SS18L2: variants seen among roughly 807,000 people sequenced by gnomAD.
SS18L2 encodes the protein SS18-like protein 2.
Under a neutral mutation model 10.3 loss-of-function variants are expected in SS18L2, and 8 were observed. That is an observed-to-expected ratio of 0.78 (90% CI 0.46 to 1.41). The LOEUF (loss-of-function observed/expected upper bound fraction) is 1.41, where lower values mean the gene tolerates loss of function less well. Ranked by LOEUF, SS18L2 falls within the 40% of genes most tolerant of loss-of-function variation. The probability of loss-of-function intolerance (pLI) is 0.00; values close to 1 mark genes in which losing one functional copy is unlikely to be tolerated. For synonymous variants in SS18L2, 41 were observed against 34.6 expected (o/e 1.19, Z -0.65); for missense variants, 100 against 96.2 (o/e 1.04, Z -0.17).
upstream of SS18L2, among the ~76,000 whole-genome samples, chr3:42,590,242 G>A (rs1459401995): frequency 6.6e-6 from 1 of 152,236 alleles, no homozygotes; most frequent in Non-Finnish European, 1.5e-5. Flanking sequence ...CATAGCCAAT[G>A]TTCATGCTCC....
At chr3:42,581,983 G>C (rs1287761500) in intron 1 of SS18L2, 1 of 152,450 alleles carries the variant, frequency 6.6e-6, no homozygotes, top group African/African-American at 2.4e-5. Context: ...GCGTGCGCGA[G>C]TCTTGAGCCA....
intron 1 of SS18L2, among the ~76,000 whole-genome samples, chr3:42,582,598 T>C (rs1474370463): frequency 6.6e-6 from 1 of 152,230 alleles, no homozygotes; most frequent in Non-Finnish European, 1.5e-5. Flanking sequence ...GAGGAATTCC[T>C]GACACGAAAA....
chr3:42,588,518 C>A (rs1051782176), upstream of SS18L2, among the ~76,000 whole-genome samples: 59 of 152,282 alleles, frequency 3.9e-4, no homozygotes, highest in African/African-American at 1.3e-3. Flanking sequence ...ATACTTAATA[C>A]CCAGGACAGA....
rs1704990960 is a variant in SS18L2, at chr3:42,595,121, G to T, written c.*612G>T. ...ATTATCATTGCCAACAAAATGAATA[G>T]TGATTTCTAATTATTATCTAATATC... On this transcript the variant is annotated 3_prime_UTR_variant, in exon 3 of 3. Coordinates refer to ENST00000011691, the MANE Select transcript of SS18L2 (RefSeq NM_001370300.1). 1 of 152,282 alleles carries T rather than the reference G, an allele frequency of 6.6e-6. No individual in the cohort carries two copies. The highest frequency in any genetic ancestry group is 1.5e-5 in the Non-Finnish European group (1 of 68,024). The allele number at this position is 152,282 out of a possible 1,614,324, so 9.4% of individuals were successfully genotyped here. A position where few individuals can be genotyped will look rare whatever the true frequency, so the allele number is the denominator to read the frequency against.
At chr3:42,592,165 C>T (rs1348432579) in intron 2 of SS18L2, among the ~76,000 whole-genome samples, 1 of 151,826 alleles carries the variant, frequency 6.6e-6, no homozygotes, top group Non-Finnish European at 1.5e-5. Context: ...GTCTCTTTTC[C>T]GAATCTAGTC....
upstream of SS18L2, among the ~76,000 whole-genome samples, chr3:42,588,647 T>C (rs1704704895): frequency 6.6e-6 from 1 of 152,186 alleles, no homozygotes; most frequent in Admixed American, 6.5e-5. Flanking sequence ...AACAAAAGTA[T>C]AGGCCGGGCA....
chr3:42,586,113 C>T (rs151220615), upstream of SS18L2, among the ~76,000 whole-genome samples: 71 of 152,306 alleles, frequency 4.7e-4, no homozygotes, highest in East Asian at 0.012. Flanking sequence ...GTGAACACTC[C>T]ATTGCTTCAC....
chr3:42,593,935 G>A (rs554766257), intron 2 of SS18L2, among the ~76,000 whole-genome samples: 6 of 152,282 alleles, frequency 3.9e-5, no homozygotes, highest in Admixed American at 6.5e-5. Context: ...CACAGAAGGA[G>A]GCCACTGTGG....
chr3:42,591,789 G>A (rs1014666071), intron 2 of SS18L2, among the ~76,000 whole-genome samples, 188 bp downstream of exon 2: 1 of 152,196 alleles, frequency 6.6e-6, no homozygotes, highest in African/African-American at 2.4e-5. Context: ...TGCGGAGCCT[G>A]GAGTCAGACG....
At chr3:42,585,767 GC>G (rs1266982644) in intron 1 of SS18L2, among the ~76,000 whole-genome samples, 16 of 152,278 alleles carry the variant, frequency 1.1e-4, no homozygotes, top group Admixed American at 9.8e-4. Context: ...GGCTCTAAGT[GC>G]TGCTGGACAA....
rs1174473663 is a variant in SS18L2 at position 42,590,949 on chromosome 3, C to G, written c.52C>G (p.Gln18Glu). The G allele has an allele frequency of 7.4e-7, 1 of 1,357,298 alleles. No homozygotes were observed. The highest frequency in any genetic ancestry group is 3.6e-5 in the East Asian group (1 of 28,146). 84.1% of individuals were successfully genotyped at this position (1,357,298 alleles called of 1,614,324 possible). The stretch of plus-strand genomic sequence containing the variant: ...GCTGAGGGGCAAGGCGGAAGTCAAT[C>G]AAGAGACTATCCAGCGGGTGAGCAT... ...DWLRGKAEVNQETIQRLLEEN... is the reference protein window; with the variant it reads ...DWLRGKAEVNEETIQRLLEEN... The change falls in exon 1 of 3, where the codon CAA (glutamine) becomes GAA (glutamate). Residue 18 changes from glutamine (Q) to glutamate (E), a missense_variant. Transcript: ENST00000011691.
upstream of SS18L2, among the ~76,000 whole-genome samples, chr3:42,588,577 A>G (rs1704703142): frequency 6.6e-6 from 1 of 152,146 alleles, no homozygotes; most frequent in Admixed American, 6.5e-5. Context: ...GTTATATAGT[A>G]TTATATAAAT....
rs1279015755 is a variant in SS18L2 at position 42,594,571 on chromosome 3, C to A, written c.*62C>A. On this transcript the variant is annotated 3_prime_UTR_variant, in exon 3 of 3. Coordinates refer to ENST00000011691, the MANE Select transcript of SS18L2 (RefSeq NM_001370300.1). ...GTCGTGAGGAGTAATTGAATGTAAT[C>A]CATCTCTTACAAAATGGAGACAGGG... 1 of 1,396,840 alleles carries A rather than the reference C, an allele frequency of 7.2e-7. No individual in the cohort carries two copies. Among genetic ancestry groups the A allele is most frequent in the Non-Finnish European group, 1.0e-6 (1 of 990,230 alleles). The allele number at this position is 1,396,840 out of a possible 1,614,324, so 86.5% of individuals were successfully genotyped here.
At chr3:42,589,241 C>T (rs1046985011), upstream of SS18L2, among the ~76,000 whole-genome samples, 3 of 151,888 alleles carry the variant, frequency 2.0e-5, no homozygotes, top group Non-Finnish European at 2.9e-5. Context: ...TGCACTCCAG[C>T]CTGGGTGACA....
At chr3:42,592,177 A>G (rs2125740884) in intron 2 of SS18L2, among the ~76,000 whole-genome samples, 1 of 152,222 alleles carries the variant, frequency 6.6e-6, no homozygotes, top group East Asian at 1.9e-4. Flanking sequence ...AATCTAGTCC[A>G]GGTATTACGC....
At chr3:42,585,941 C>T (rs530570585), upstream of SS18L2, among the ~76,000 whole-genome samples, 7 of 151,888 alleles carry the variant, frequency 4.6e-5, no homozygotes, top group Admixed American at 2.0e-4. Flanking sequence ...CACTCTTCAA[C>T]CCCCCCTCCC....
At chr3:42,594,329 C>A in intron 2 of SS18L2, 93 bp from the exon 3 acceptor site, 1 of 888,932 alleles carries the variant, frequency 1.1e-6, no homozygotes, top group Non-Finnish European at 1.9e-6. Context: ...AGTGGATGAG[C>A]CATTCCACTA....
upstream of SS18L2, chr3:42,590,756 A>G: frequency 1.1e-6 from 1 of 875,410 alleles, no homozygotes; most frequent in Non-Finnish European, 1.9e-6. Context: ...CGCTGAGTAT[A>G]GCTCTTGCGC....
upstream of SS18L2, chr3:42,590,715 C>A (rs192206155): frequency 3.8e-4 from 259 of 678,944 alleles, no homozygotes; most frequent in African/African-American, 3.8e-3. Flanking sequence ...GAAAACGCCC[C>A]CGGCGTTCTG....
Sources: allele counts gnomAD v4.1 joint callset (sites outside exome capture counted in the v4.1 genomes callset), GRCh38; gene constraint gnomAD v4.1.1; transcripts MANE v1.5; gene names NCBI Gene and HGNC (gene_info 2026-07-23, HGNC 2026-07-21).